The following RHBDL3 variants were observed in gnomAD, a reference collection of about 807,000 sequenced individuals.
The protein encoded by RHBDL3 is rhomboid-related protein 3.
A neutral mutation model predicts 48.2 loss-of-function variants in RHBDL3; 28 were observed. The observed-to-expected ratio is 0.58, with a 90% confidence interval of 0.43 to 0.80. The LOEUF (loss-of-function observed/expected upper bound fraction) is 0.80, where lower values mean the gene tolerates loss of function less well. Ranked by LOEUF, RHBDL3 falls within the 30% of genes least tolerant of loss-of-function variation. The pLI is 0.00. For synonymous variants in RHBDL3, 208 were observed against 232.3 expected, an observed-to-expected ratio of 0.90 and a Z score of 0.95; for missense variants, 464 against 542.7, an observed-to-expected ratio of 0.85 and a Z score of 1.44.
chr17:32,267,819 G>C, intron 1 of RHBDL3, 83 bp from the exon 2 acceptor site: 2 of 1,609,044 alleles, frequency 1.2e-6, no homozygotes, highest in South Asian at 1.1e-5. Flanking sequence ...AGAAACATCC[G>C]AGGACTACAG....
chr17:32,274,986 C>T (rs2039861496), intron 2 of RHBDL3, among the ~76,000 whole-genome samples: 1 of 152,112 alleles, frequency 6.6e-6, no homozygotes, highest in African/African-American at 2.4e-5. Context: ...ATCCTTCCAG[C>T]CCTTTATCCT....
chr17:32,297,652 CTTTTTTTTT>C (rs71362824), intron 5 of RHBDL3, among the ~76,000 whole-genome samples: 2 of 50,942 alleles, frequency 3.9e-5, no homozygotes, highest in Non-Finnish European at 7.6e-5. Context: ...GTTGCTGGAT[CTTTTTTTTT>C]TTTTTTTTTT....
At chr17:32,277,525 C>G (rs1231398571) in intron 2 of RHBDL3, among the ~76,000 whole-genome samples, 1 of 152,212 alleles carries the variant, frequency 6.6e-6, no homozygotes, top group Non-Finnish European at 1.5e-5. Flanking sequence ...GGCTCAGTGG[C>G]CCCATTAGGC....
At chr17:32,270,602 C>T (rs1211741944) in intron 2 of RHBDL3, among the ~76,000 whole-genome samples, 2 of 151,988 alleles carry the variant, frequency 1.3e-5, no homozygotes, top group Non-Finnish European at 2.9e-5. Context: ...TTCTGCATCC[C>T]CCTCCCTGGC....
intron 7 of RHBDL3, among the ~76,000 whole-genome samples, chr17:32,307,599 C>T (rs2040741520): frequency 6.6e-6 from 1 of 152,150 alleles, no homozygotes; most frequent in Non-Finnish European, 1.5e-5. Flanking sequence ...TTGCTACTGG[C>T]CTGAATTTTG....
intron 1 of RHBDL3, 97 bp downstream of exon 1, chr17:32,266,397 G>C: frequency 3.4e-6 from 2 of 590,592 alleles, no homozygotes; most frequent in Non-Finnish European, 5.2e-6. Context: ...GGAGGTTTCA[G>C]GGTGACGCGG....
At chr17:32,309,535 A>G (rs1183026823) in intron 7 of RHBDL3, among the ~76,000 whole-genome samples, 1 of 152,118 alleles carries the variant, frequency 6.6e-6, no homozygotes, top group Admixed American at 6.5e-5. Flanking sequence ...CTGGGCAACA[A>G]GAGCGAAACT....
intron 2 of RHBDL3, among the ~76,000 whole-genome samples, chr17:32,269,584 G>A (rs1218496211): frequency 1.3e-5 from 2 of 152,186 alleles, no homozygotes; most frequent in Non-Finnish European, 2.9e-5. Flanking sequence ...CTGTCCTGAC[G>A]GGTAGAGCAT....
At chr17:32,304,652 G>T (rs1372651399) in intron 6 of RHBDL3, among the ~76,000 whole-genome samples, 1 of 152,176 alleles carries the variant, frequency 6.6e-6, no homozygotes, top group Non-Finnish European at 1.5e-5. Context: ...AATAACTACT[G>T]CTACTATTTT....
At chr17:32,304,166 C>T (rs2040654141) in intron 6 of RHBDL3, among the ~76,000 whole-genome samples, 2 of 152,244 alleles carry the variant, frequency 1.3e-5, no homozygotes, top group Admixed American at 1.3e-4. Flanking sequence ...CCAAGCCTCG[C>T]ATACCCTTCC....
chr17:32,281,553 T>A (rs1288314028), intron 2 of RHBDL3, among the ~76,000 whole-genome samples: 1 of 151,858 alleles, frequency 6.6e-6, no homozygotes, highest in African/African-American at 2.4e-5. Context: ...CCACCCCCTA[T>A]CTACCCACCC....
At chr17:32,269,158 G>A (rs1248911681) in intron 2 of RHBDL3, among the ~76,000 whole-genome samples, 1 of 152,074 alleles carries the variant, frequency 6.6e-6, no homozygotes, top group African/African-American at 2.4e-5. Context: ...GACCAGCCTC[G>A]CCAACAAAGT....
chr17:32,269,712 C>T (rs2039726183), intron 2 of RHBDL3, among the ~76,000 whole-genome samples: 1 of 152,232 alleles, frequency 6.6e-6, no homozygotes, highest in African/African-American at 2.4e-5. Context: ...ACACCTCCTG[C>T]CAGATTTAGA....
intron 2 of RHBDL3, among the ~76,000 whole-genome samples, chr17:32,277,076 C>G (rs540609959): frequency 1.3e-5 from 2 of 152,190 alleles, no homozygotes; most frequent in South Asian, 4.1e-4. Flanking sequence ...AATGGGGATC[C>G]GGGTGGGAAC....
At chr17:32,276,716 G>A (rs1191111996) in intron 2 of RHBDL3, among the ~76,000 whole-genome samples, 2 of 149,450 alleles carry the variant, frequency 1.3e-5, no homozygotes, top group African/African-American at 2.5e-5. Context: ...TCCGGCCCTA[G>A]CACCTTACTC....
Position 32,275,770 on chromosome 17 carries a change from A to G in RHBDL3, c.135+7845A>G, listed in dbSNP as rs2039882628. 3.3e-5 allele frequency among the ~76,000 whole-genome samples: 5 copies of G among 152,282 alleles called. No homozygotes were observed. In the South Asian group the frequency reaches 1.0e-3, roughly 32 times the overall value. ...GGGCTTTTGGGAGAAGCACCATGAG[A>G]GGGCTGAGCTGCCTCCCGCACCCCT... is the stretch of plus-strand genomic sequence containing the variant. On this transcript the variant is annotated intron_variant, in intron 2 of 8. Transcript: ENST00000269051.
In RHBDL3 at chr17:32,321,317, TAGGC is replaced by T; in HGVS notation, c.*89_*92del. 2 of 1,588,458 alleles carry T rather than the reference TAGGC, an allele frequency of 1.3e-6. No homozygotes were observed. The highest frequency in any genetic ancestry group is 8.5e-7 in the Non-Finnish European group (1 of 1,170,614). On this transcript the variant is annotated 3_prime_UTR_variant, in exon 9 of 9. Coordinates refer to ENST00000269051, the MANE Select transcript of RHBDL3 (RefSeq NM_138328.3). Reference sequence around the variant, plus strand: ...GGTTTCTTCTCATCACCAGCTCAGCTAGGCCGGGCAGACAAGGACAGAAGACTCT... The same window carrying T: ...GGTTTCTTCTCATCACCAGCTCAGCTCGGGCAGACAAGGACAGAAGACTCT...
intron 7 of RHBDL3, among the ~76,000 whole-genome samples, chr17:32,310,717 A>T (rs538784551): frequency 4.3e-5 from 2 of 46,290 alleles, no homozygotes; most frequent in African/African-American, 6.9e-5. Flanking sequence ...CGTCTAAAAA[A>T]AATATATATA....
intron 5 of RHBDL3, among the ~76,000 whole-genome samples, chr17:32,296,781 TTTTATTTTA>T: frequency 2.9e-5 from 1 of 33,982 alleles, no homozygotes; most frequent in Non-Finnish European, 8.4e-5. Flanking sequence ...CTCTTTTTTA[TTTTATTTTA>T]TTTTATTTTA....
Sources: allele counts gnomAD v4.1 joint callset (sites outside exome capture counted in the v4.1 genomes callset), GRCh38; gene constraint gnomAD v4.1.1; transcripts MANE v1.5; gene names NCBI Gene and HGNC (gene_info 2026-07-23, HGNC 2026-07-21).